BICC1: variants seen among roughly 807,000 people sequenced by gnomAD.
BICC1 encodes BicC family RNA binding protein 1.
Under a neutral mutation model 111.0 loss-of-function variants are expected in BICC1, and 43 were observed. The ratio of observed to expected loss-of-function variants is 0.39; its 90% CI spans 0.30 to 0.50. The LOEUF (loss-of-function observed/expected upper bound fraction) is 0.50, where lower values mean the gene tolerates loss of function less well. Among genes scored for constraint, BICC1 ranks in the 20% least tolerant of loss-of-function variants. The probability of loss-of-function intolerance (pLI) is 0.88; values close to 1 mark genes in which losing one functional copy is unlikely to be tolerated. For synonymous variants in BICC1, 467 were observed against 434.4 expected, an observed-to-expected ratio of 1.07 and a Z score of -0.93; for missense variants, 1,091 against 1,203.2, an observed-to-expected ratio of 0.91 and a Z score of 1.38.
chr10:58,627,517 A>G (rs779983724), intron 2 of BICC1, among the ~76,000 whole-genome samples: 8 of 152,232 alleles, frequency 5.3e-5, no homozygotes, highest in Non-Finnish European at 1.0e-4. Context: ...TATGGTTGAT[A>G]TTAAGATTTT....
chr10:58,627,575 AT>A (rs1302353206), intron 2 of BICC1, among the ~76,000 whole-genome samples: 1 of 152,242 alleles, frequency 6.6e-6, no homozygotes, highest in Non-Finnish European at 1.5e-5. Context: ...AACTGATAAT[AT>A]GCAAACGTAA....
chr10:58,672,708 T>G (rs1376089603), intron 2 of BICC1, among the ~76,000 whole-genome samples: 5 of 152,158 alleles, frequency 3.3e-5, no homozygotes, highest in African/African-American at 4.8e-5. Context: ...AAATATAGTC[T>G]CACACTCACC....
At chr10:58,747,652 A>G in intron 3 of BICC1, among the ~76,000 whole-genome samples, 1 of 152,174 alleles carries the variant, frequency 6.6e-6, no homozygotes, top group East Asian at 1.9e-4. Context: ...TTTAAAATAT[A>G]CATTATGGAG....
intron 3 of BICC1, among the ~76,000 whole-genome samples, chr10:58,755,575 A>G (rs1040219926): frequency 2.0e-4 from 31 of 152,184 alleles, no homozygotes; most frequent in Admixed American, 1.4e-3. Flanking sequence ...AAAAGTTGCA[A>G]TAGAGTTCAT....
Position 58,513,186 on chromosome 10 carries a change from G to A in BICC1, c.43G>A (p.Asp15Asn). The A allele has an allele frequency of 6.3e-7, 1 of 1,589,586 alleles. No individual in the cohort carries two copies. The highest frequency in any genetic ancestry group is 8.5e-7 in the Non-Finnish European group (1 of 1,169,850). ...GCCCGGCTACCTGGCGGCGCAGTCG[G>A]ACCCCGGCTCCAACAGCGAGCGCAG... ...GEPGYLAAQS[D>N]PGSNSERSTD... The change falls in exon 1 of 21, where the codon GAC becomes AAC. Residue 15 changes from aspartate (D) to asparagine (N), a missense_variant. This residue lies in a region of BICC1 where 843 missense variants were observed against 900.8 expected (regional missense o/e 0.94). Coordinates refer to ENST00000373886, the MANE Select transcript of BICC1 (RefSeq NM_001080512.3).
chr10:58,831,014 C>T lies in BICC1; in HGVS notation c.*2123C>T, dbSNP rs1293832921. On this transcript the variant is annotated 3_prime_UTR_variant, in exon 21 of 21. Coordinates refer to ENST00000373886, the MANE Select transcript of BICC1 (RefSeq NM_001080512.3). ...ACAGGAGGAAGATGTAATGAATATG[C>T]AGTATTAAGTTGATTTATGAACAGT... 2.0e-5 allele frequency: 3 copies of T among 152,084 alleles called. No individual in the cohort carries two copies. The highest frequency in any genetic ancestry group is 4.4e-5 in the Non-Finnish European group (3 of 68,010). The allele number at this position is 152,084 out of a possible 1,614,324, so 9.4% of individuals were successfully genotyped here. A position where few individuals can be genotyped will look rare whatever the true frequency, so the allele number is the denominator to read the frequency against.
At chr10:58,681,787 C>T (rs941125266) in intron 2 of BICC1, among the ~76,000 whole-genome samples, 1 of 152,142 alleles carries the variant, frequency 6.6e-6, no homozygotes, top group African/African-American at 2.4e-5. Context: ...AGAGTTTCTT[C>T]CTTCCGGTGG....
chr10:58,605,726 A>G lies in BICC1; in HGVS notation c.191-15129A>G, dbSNP rs1000825209. ...TGTATTGTTTAGAGAATAATGTCAA[A>G]AAAGGCTGTATTTGTTTAGTATAGA... On this transcript the variant is annotated intron_variant, in intron 1 of 20. Coordinates refer to ENST00000373886, the MANE Select transcript of BICC1 (RefSeq NM_001080512.3). Among the ~76,000 whole-genome samples, 3 of 152,358 alleles carry G rather than the reference A, an allele frequency of 2.0e-5. No individual in the cohort carries two copies. The East Asian group carries it at 5.8e-4, about 29-fold the overall frequency.
At chr10:58,522,822 A>G (rs1040594986) in intron 1 of BICC1, among the ~76,000 whole-genome samples, 1 of 152,078 alleles carries the variant, frequency 6.6e-6, no homozygotes, top group Non-Finnish European at 1.5e-5. Context: ...CTAATAAAGA[A>G]GAAAAGAGAG....
At chr10:58,651,839 T>C (rs1838459367) in intron 2 of BICC1, among the ~76,000 whole-genome samples, 1 of 152,140 alleles carries the variant, frequency 6.6e-6, no homozygotes, top group Non-Finnish European at 1.5e-5. Context: ...TTTCTAGAAA[T>C]CTTGAGATCT....
At chr10:58,521,814 T>G (rs1245512204) in intron 1 of BICC1, among the ~76,000 whole-genome samples, 9 of 115,764 alleles carry the variant, frequency 7.8e-5, no homozygotes, top group East Asian at 2.9e-4. Context: ...TTTGAGGGAG[T>G]ACACTTTGGC....
chr10:58,665,592 A>T (rs975152569), intron 2 of BICC1, among the ~76,000 whole-genome samples: 1 of 152,202 alleles, frequency 6.6e-6, no homozygotes, highest in African/African-American at 2.4e-5. Flanking sequence ...AGGAATTCAG[A>T]GGAGAGAGGT....
At chr10:58,579,450 A>G (rs1170261050) in intron 1 of BICC1, among the ~76,000 whole-genome samples, 1 of 152,206 alleles carries the variant, frequency 6.6e-6, no homozygotes, top group Non-Finnish European at 1.5e-5. Flanking sequence ...GGCATTATTC[A>G]TGGTGAACAC....
At chr10:58,823,534 T>C in intron 20 of BICC1, 9 of 984,202 alleles carry the variant, frequency 9.1e-6, no homozygotes, top group Non-Finnish European at 1.1e-5. Flanking sequence ...TTTTACTGTT[T>C]CAAAGATCTA....
At chr10:58,642,589 A>G (rs2132219300) in intron 2 of BICC1, among the ~76,000 whole-genome samples, 1 of 152,250 alleles carries the variant, frequency 6.6e-6, no homozygotes, top group Non-Finnish European at 1.5e-5. Flanking sequence ...CTCCCAGGAA[A>G]GTGTGGTTGA....
At chr10:58,696,955 C>T (rs371649959) in intron 2 of BICC1, among the ~76,000 whole-genome samples, 5 of 152,242 alleles carry the variant, frequency 3.3e-5, no homozygotes, top group East Asian at 1.9e-4. Flanking sequence ...TCATTTTCTT[C>T]GTGGAGATTT....
At chr10:58,784,865 TATA>T (rs1021545645) in intron 3 of BICC1, 133 bp from the exon 4 acceptor site, 17 of 377,720 alleles carry the variant, frequency 4.5e-5, no homozygotes, top group African/African-American at 2.5e-4. Context: ...AGAATTTTAT[TATA>T]ATAATAATCT....
intron 19 of BICC1, among the ~76,000 whole-genome samples, chr10:58,819,861 A>G (rs1209981011): frequency 6.6e-6 from 1 of 152,116 alleles, no homozygotes; most frequent in Non-Finnish European, 1.5e-5. Context: ...AGTTCCTGCA[A>G]ATACTTCTTT....
chr10:58,587,650 C>T (rs10763559), intron 1 of BICC1, among the ~76,000 whole-genome samples: 70,833 of 151,906 alleles, frequency 0.47, 17,464 homozygotes, highest in Admixed American at 0.63. Flanking sequence ...TTTAACTGGC[C>T]AGCTTTAGCC....
Sources: gnomAD v4.1 joint callset for allele counts (sites outside exome capture counted in the v4.1 genomes callset) on GRCh38, gnomAD v4.1.1 for gene constraint, gnomAD v4.1.1 regional missense constraint, MANE v1.5 for transcripts, NCBI Gene and HGNC (gene_info 2026-07-23, HGNC 2026-07-21) for gene names.